PARD3B: variants seen among roughly 807,000 people sequenced by gnomAD.
The protein encoded by PARD3B is partitioning defective 3 homolog B.
In PARD3B, 103 loss-of-function variants were observed where a neutral mutation model predicts 130.2. The ratio of observed to expected loss-of-function variants is 0.79; its 90% CI spans 0.67 to 0.93. The LOEUF is 0.93. Ranked by LOEUF, PARD3B falls within the 40% of genes least tolerant of loss-of-function variation. The probability of loss-of-function intolerance (pLI) is 0.00; values close to 1 mark genes in which losing one functional copy is unlikely to be tolerated. For missense variants in PARD3B, 1,609 were observed against 1,499.2 expected (o/e 1.07, Z -1.21); for synonymous variants, 583 against 553.2 (o/e 1.05, Z -0.76).
chr2:204,740,934 C>T (rs993695327), intron 2 of PARD3B, among the ~76,000 whole-genome samples: 12 of 152,036 alleles, frequency 7.9e-5, no homozygotes, highest in Admixed American at 5.2e-4. Flanking sequence ...ATGGTTTTAT[C>T]TCTAGAGAAA....
intron 2 of PARD3B, among the ~76,000 whole-genome samples, chr2:204,829,292 T>G (rs1167509451): frequency 6.6e-6 from 1 of 152,242 alleles, no homozygotes; most frequent in African/African-American, 2.4e-5. Flanking sequence ...TGTCTTATTT[T>G]GTCTTCATGT....
chr2:205,127,229 A>G (rs1185277878), intron 10 of PARD3B, among the ~76,000 whole-genome samples: 3 of 149,416 alleles, frequency 2.0e-5, no homozygotes, highest in Non-Finnish European at 3.0e-5. Context: ...CCTGGGAAGC[A>G]GAGGTTGCAG....
At chr2:205,156,019 C>T (rs1332284460) in intron 10 of PARD3B, among the ~76,000 whole-genome samples, 1 of 151,960 alleles carries the variant, frequency 6.6e-6, no homozygotes, top group Non-Finnish European at 1.5e-5. Flanking sequence ...ACCCAAATGT[C>T]CAACAGTGAT....
At chr2:204,697,466 GCTT>G (rs942830841) in intron 2 of PARD3B, among the ~76,000 whole-genome samples, 2 of 152,100 alleles carry the variant, frequency 1.3e-5, no homozygotes, top group Non-Finnish European at 1.5e-5. Context: ...ATAATGAACA[GCTT>G]CTCAATGAAG....
At chr2:205,166,420 G>T (rs1423633220) in intron 11 of PARD3B, among the ~76,000 whole-genome samples, 1 of 152,144 alleles carries the variant, frequency 6.6e-6, no homozygotes, top group African/African-American at 2.4e-5. Flanking sequence ...ACCAAGGTAT[G>T]TACACCAAAG....
chr2:204,856,928 A>T (rs2044969825), intron 2 of PARD3B, among the ~76,000 whole-genome samples: 1 of 152,036 alleles, frequency 6.6e-6, no homozygotes, highest in Non-Finnish European at 1.5e-5. Context: ...TTGATTATAA[A>T]AGAGTTTTAG....
At position 205,091,226 on chromosome 2, in the gene PARD3B, G is replaced by C. The variant is rs1161569564; in HGVS notation, c.505-13200G>C. Among the ~76,000 whole-genome samples, 2 of 152,160 alleles carry C rather than the reference G, an allele frequency of 1.3e-5. No individual in the cohort carries two copies. The highest frequency in any genetic ancestry group is 4.8e-5 in the African/African-American group (2 of 41,442). On this transcript the variant is annotated intron_variant, in intron 4 of 22. Coordinates refer to ENST00000406610, the MANE Select transcript of PARD3B (RefSeq NM_001302769.2). The surrounding 1 kb of genome is among the most constrained non-coding windows in gnomAD (Gnocchi z 4.2). ...AGAAGTTAAGAACATAAGACCTTTAGTACTTATGGATTCAACATTTGAAAT... is the reference window on the plus strand; with the variant it reads ...AGAAGTTAAGAACATAAGACCTTTACTACTTATGGATTCAACATTTGAAAT...
Position 204,686,260 on chromosome 2 carries a change from A to T in PARD3B, c.200A>T (p.Asp67Val). ...GILDPDDVLA[D>V]VVEDKDKLIA... is the part of the protein sequence containing the mutation. ...CTGGATCCAGATGATGTCTTGGCAGATGTTGTTGAAGATAAAGACAAGGTA... is the reference window on the plus strand; with the variant it reads ...CTGGATCCAGATGATGTCTTGGCAGTTGTTGTTGAAGATAAAGACAAGGTA... Residue 67 changes from aspartate (D) to valine (V), a missense_variant, in exon 2 of 23, where the codon GAT becomes GTT. Coordinates refer to ENST00000406610, the MANE Select transcript of PARD3B (RefSeq NM_001302769.2). 1 of 1,610,860 alleles carries T rather than the reference A, an allele frequency of 6.2e-7. No homozygotes were observed. Among genetic ancestry groups the T allele is most frequent in the Non-Finnish European group, 8.5e-7 (1 of 1,177,214 alleles).
intron 18 of PARD3B, among the ~76,000 whole-genome samples, chr2:205,390,078 C>T (rs911175832): frequency 1.3e-5 from 2 of 151,100 alleles, no homozygotes; most frequent in African/African-American, 4.9e-5. Flanking sequence ...TATAATAACT[C>T]TTTTTATTGT....
chr2:204,740,193 T>C (rs1267213702), intron 2 of PARD3B, among the ~76,000 whole-genome samples: 7 of 151,312 alleles, frequency 4.6e-5, no homozygotes, highest in Admixed American at 6.6e-5. Context: ...TTTTTTTTTT[T>C]AGTTTTTAGT....
intron 3 of PARD3B, among the ~76,000 whole-genome samples, chr2:204,987,682 C>T (rs1693284911): frequency 6.6e-6 from 1 of 152,048 alleles, no homozygotes; most frequent in African/African-American, 2.4e-5. Flanking sequence ...TCATCTTCTT[C>T]AGAATTTTTT....
chr2:204,802,119 A>T (rs1391170666), intron 2 of PARD3B, among the ~76,000 whole-genome samples: 4 of 152,040 alleles, frequency 2.6e-5, no homozygotes, highest in Non-Finnish European at 5.9e-5. Flanking sequence ...GTATTTTATA[A>T]TCTACGAGGA....
At chr2:205,242,806 T>C (rs2039407385) in intron 15 of PARD3B, among the ~76,000 whole-genome samples, 1 of 152,196 alleles carries the variant, frequency 6.6e-6, no homozygotes, top group Admixed American at 6.5e-5. Context: ...ACATTTTTTT[T>C]CATTTAGTTC....
chr2:204,764,832 C>A (rs150402565), intron 2 of PARD3B, among the ~76,000 whole-genome samples: 102 of 151,844 alleles, frequency 6.7e-4, no homozygotes, highest in Middle Eastern at 3.4e-3. Flanking sequence ...CTTATATAAA[C>A]CTCATATTTA....
chr2:204,801,329 G>A (rs977204346), intron 2 of PARD3B, among the ~76,000 whole-genome samples: 3 of 152,008 alleles, frequency 2.0e-5, no homozygotes, highest in Non-Finnish European at 4.4e-5. Context: ...CACAGTATTG[G>A]TTCTTCCTAT....
At chr2:204,634,368 C>T (rs1416521410) in intron 1 of PARD3B, among the ~76,000 whole-genome samples, 2 of 152,152 alleles carry the variant, frequency 1.3e-5, no homozygotes, top group African/African-American at 2.4e-5. Context: ...ATATATACCA[C>T]ATTTTCTTTA....
At position 205,097,695 on chromosome 2, in the gene PARD3B, C is replaced by T. The variant is rs150631595; in HGVS notation, c.505-6731C>T. On this transcript the variant is annotated intron_variant, in intron 4 of 22. Coordinates refer to ENST00000406610, the MANE Select transcript of PARD3B (RefSeq NM_001302769.2). Reference sequence around the variant, plus strand: ...CACTCCAGGTAATTCTTCTGATCCACGTTAAAGTTTGAGAACCACTGTTAG... The same window carrying T: ...CACTCCAGGTAATTCTTCTGATCCATGTTAAAGTTTGAGAACCACTGTTAG... Among the ~76,000 whole-genome samples, 70 of 152,270 alleles carry T rather than the reference C, an allele frequency of 4.6e-4. No homozygotes were observed. The East Asian group carries it at 0.011, about 24-fold the overall frequency.
At chr2:205,500,175 C>T in intron 21 of PARD3B, 144 bp downstream of exon 21, 2 of 923,808 alleles carry the variant, frequency 2.2e-6, no homozygotes, top group Non-Finnish European at 3.2e-6. Context: ...ACCCAAACCA[C>T]AGGCATATTC....
chr2:205,323,620 T>G (rs2042835108), intron 18 of PARD3B, among the ~76,000 whole-genome samples: 1 of 152,202 alleles, frequency 6.6e-6, no homozygotes, highest in African/African-American at 2.4e-5. Flanking sequence ...GTGGCTGATG[T>G]TCTTATTCAG....
Sources: gnomAD v4.1 joint callset for allele counts (sites outside exome capture counted in the v4.1 genomes callset) on GRCh38, gnomAD v4.1.1 for gene constraint, Gnocchi (gnomAD v3.1) non-coding constraint, MANE v1.5 for transcripts, NCBI Gene and HGNC (gene_info 2026-07-23, HGNC 2026-07-21) for gene names.